Variants in NR3C1 observed in about 807,000 individuals in gnomAD.
NR3C1 encodes the protein nuclear receptor subfamily 3 group C member 1.
Under a neutral mutation model 74.0 loss-of-function variants are expected in NR3C1, and 14 were observed. The ratio of observed to expected loss-of-function variants is 0.19; its 90% CI spans 0.12 to 0.30. NR3C1 has a LOEUF of 0.30. NR3C1 is among the 10% of genes least tolerant of loss of function. NR3C1 has a pLI of 1.00. For synonymous variants in NR3C1, 308 were observed against 332.5 expected (o/e 0.93, Z 0.80); for missense variants, 695 against 909.8 (o/e 0.76, Z 3.04).
intron 4 of NR3C1, among the ~76,000 whole-genome samples, chr5:143,308,969 C>CT (rs1491133543): frequency 1.3e-5 from 2 of 151,952 alleles, no homozygotes; most frequent in Non-Finnish European, 2.9e-5. Context: ...GAATTCCAAA[C>CT]TTTTTTCAGA....
intron 1 of NR3C1, among the ~76,000 whole-genome samples, chr5:143,420,345 A>C (rs1751157871): frequency 6.6e-6 from 1 of 152,190 alleles, no homozygotes; most frequent in Admixed American, 6.5e-5. Flanking sequence ...AAATCTTCAC[A>C]ATTTGTGTTT....
intron 1 of NR3C1, among the ~76,000 whole-genome samples, chr5:143,408,694 T>G (rs1841196771): frequency 6.6e-6 from 1 of 152,216 alleles, no homozygotes; most frequent in African/African-American, 2.4e-5. Context: ...AAGCAAAGTT[T>G]GTGGTAAGTA....
intron 2 of NR3C1, among the ~76,000 whole-genome samples, chr5:143,349,632 T>C (rs1264437454): frequency 1.3e-5 from 2 of 152,222 alleles, no homozygotes; most frequent in East Asian, 1.9e-4. Context: ...GCAGCTTTCA[T>C]AGCCTTGTTT....
chr5:143,343,234 GA>G (rs1034598118), intron 2 of NR3C1, among the ~76,000 whole-genome samples: 1 of 152,190 alleles, frequency 6.6e-6, no homozygotes, highest in Non-Finnish European at 1.5e-5. Context: ...TGGGATTCCA[GA>G]TATCTTTCTA....
chr5:143,389,445 A>G (rs1359686091), intron 2 of NR3C1, among the ~76,000 whole-genome samples: 6 of 152,186 alleles, frequency 3.9e-5, no homozygotes, highest in African/African-American at 1.4e-4. Flanking sequence ...AGAAACACTG[A>G]GGCATACAAA....
intron 2 of NR3C1, among the ~76,000 whole-genome samples, chr5:143,328,099 T>A (rs995054565): frequency 6.6e-6 from 1 of 152,220 alleles, no homozygotes; most frequent in African/African-American, 2.4e-5. Flanking sequence ...CTCTTAAATA[T>A]AGGCACAGGT....
At chr5:143,315,103 A>G (rs1821793811) in intron 2 of NR3C1, among the ~76,000 whole-genome samples, 2 of 148,358 alleles carry the variant, frequency 1.3e-5, no homozygotes. Flanking sequence ...TACAATGGAT[A>G]TATACTTTTC....
chr5:143,379,026 T>C (rs940222121), intron 2 of NR3C1, among the ~76,000 whole-genome samples: 2 of 152,170 alleles, frequency 1.3e-5, no homozygotes, highest in African/African-American at 4.8e-5. Context: ...AAGGAGACTT[T>C]TGGATTTGTA....
chr5:143,406,798 G>C (rs956250421), upstream of NR3C1, among the ~76,000 whole-genome samples: 3 of 152,008 alleles, frequency 2.0e-5, no homozygotes, highest in African/African-American at 7.2e-5. Context: ...TTAACATGAA[G>C]TAGTATATCA....
In NR3C1 at chr5:143,400,854, T is replaced by C; in HGVS notation, c.-13-2A>G. 1 of 1,609,164 alleles carries C rather than the reference T, an allele frequency of 6.2e-7. No individual in the cohort carries two copies. The highest frequency in any genetic ancestry group is 8.5e-7 in the Non-Finnish European group (1 of 1,177,866). On this transcript the variant is annotated splice_acceptor_variant, in intron 1 of 8. Transcript: ENST00000394464. LOFTEE classifies it low-confidence loss of function (5UTR_SPLICE). ...TTGGAGTCCATCAGTGAATATCAAC[T>C]ACAAAACAAAAAACAAAAACGGGGG...
intron 7 of NR3C1, among the ~76,000 whole-genome samples, chr5:143,284,627 T>G (rs998514936): frequency 6.6e-6 from 1 of 152,188 alleles, no homozygotes; most frequent in African/African-American, 2.4e-5. Context: ...TAAAAGAATT[T>G]CATCCATCTT....
chr5:143,314,002 C>T lies in NR3C1; in HGVS notation c.1351G>A (p.Gly451Arg), dbSNP rs1174972110. Residue 451 changes from glycine to arginine, a missense_variant and splice_region_variant, in exon 3 of 9, where the codon GGA becomes AGA. Physicochemically the swap from Gly to Arg is moderately radical, Grantham distance 125. Coordinates refer to ENST00000394464, the MANE Select transcript of NR3C1 (RefSeq NM_000176.3). ...CKVFFKRAVE[G>R]QHNYLCAGRN... is the part of the protein sequence containing the mutation. ...ATAAACTCTTCAAAACACACACTAC[C>T]TTCCACTGCTCTTTTGAAGAAAACT... The T allele has an allele frequency of 3.7e-6, 6 of 1,613,240 alleles. No homozygotes were observed. The highest frequency in any genetic ancestry group is 5.1e-6 in the Non-Finnish European group (6 of 1,179,454).
At position 143,399,669 on chromosome 5, in the gene NR3C1, T is replaced by C. The variant is rs750466741; in HGVS notation, c.1171A>G (p.Asn391Asp). ...LNFPGRTVFS[N>D]GYSSPSMRPD... Reference sequence around the variant, plus strand: ...CACTGATCTTACCTTGAATAGCCATTAGAAAAAACTGTTCGACCAGGGAAG... The same window carrying C: ...CACTGATCTTACCTTGAATAGCCATCAGAAAAAACTGTTCGACCAGGGAAG... The change falls in exon 2 of 9, where the codon AAT (asparagine) becomes GAT (aspartate). Residue 391 changes from asparagine (N) to aspartate (D), a missense_variant. Transcript: ENST00000394464. 6.2e-7 allele frequency: 1 copy of C among 1,612,698 alleles called. No individual in the cohort carries two copies. Among genetic ancestry groups the C allele is most frequent in the Non-Finnish European group, 8.5e-7 (1 of 1,178,706 alleles).
intron 2 of NR3C1, among the ~76,000 whole-genome samples, chr5:143,398,958 G>A (rs532742283): frequency 2.9e-4 from 44 of 152,256 alleles, no homozygotes; most frequent in Middle Eastern, 3.4e-3. Context: ...ACATTTGAAC[G>A]TAAAATTTTG....
At chr5:143,434,129 C>G (rs915616388) in intron 1 of NR3C1, among the ~76,000 whole-genome samples, 1 of 152,198 alleles carries the variant, frequency 6.6e-6, no homozygotes, top group Non-Finnish European at 1.5e-5. Context: ...GCCCCTCCGC[C>G]ACTATCACTC....
intron 2 of NR3C1, among the ~76,000 whole-genome samples, chr5:143,396,570 A>G (rs1301528724): frequency 6.6e-6 from 1 of 151,868 alleles, no homozygotes; most frequent in East Asian, 1.9e-4. Flanking sequence ...TGCTTCATTC[A>G]TTCTGTATTT....
At chr5:143,365,398 A>C (rs2918415) in intron 2 of NR3C1, among the ~76,000 whole-genome samples, 22,405 of 152,206 alleles carry the variant, frequency 0.15, 1,807 homozygotes, top group African/African-American at 0.17. Context: ...TAATATAGAC[A>C]AATAGACTTA....
chr5:143,401,170 T>C (rs1384531035), intron 1 of NR3C1: 5 of 359,322 alleles, frequency 1.4e-5, no homozygotes, highest in Admixed American at 8.0e-5. Flanking sequence ...GACATTATAA[T>C]TCATTACATC....
In NR3C1 at chr5:143,403,301, G is replaced by A. The variant is rs577895045; in HGVS notation, c.-104C>T. The stretch of plus-strand genomic sequence containing the variant: ...TAGCTTGTGAACGCAGAAGGAGCAG[G>A]AGGGAAATATATTTTTTTTTTCTAA... On this transcript the variant is annotated 5_prime_UTR_variant, in exon 1 of 9. Transcript: ENST00000394464. 1.6e-4 allele frequency: 161 copies of A among 984,502 alleles called. No individual in the cohort carries two copies. Among genetic ancestry groups the A allele is most frequent in the Middle Eastern group, 1.0e-3 (2 of 1,914 alleles). The allele number at this position is 984,502 out of a possible 1,614,324, so 61.0% of individuals were successfully genotyped here. A position where few individuals can be genotyped will look rare whatever the true frequency, so the allele number is the denominator to read the frequency against.
Sources: gnomAD v4.1 joint callset for allele counts (sites outside exome capture counted in the v4.1 genomes callset) on GRCh38, gnomAD v4.1.1 for gene constraint, MANE v1.5 for transcripts, NCBI Gene and HGNC (gene_info 2026-07-23, HGNC 2026-07-21) for gene names.